Variants in KIRREL3 observed in about 807,000 individuals in gnomAD.
KIRREL3 encodes the protein kin of IRRE-like protein 3.
In KIRREL3, 36 loss-of-function variants were observed where a neutral mutation model predicts 89.7. The observed-to-expected ratio is 0.40, with a 90% CI of 0.31 to 0.53. KIRREL3 has a LOEUF of 0.53. Ranked by LOEUF, KIRREL3 falls within the 20% of genes least tolerant of loss-of-function variation. KIRREL3 has a pLI of 0.49. For missense variants in KIRREL3, 864 were observed against 1,056.6 expected, an observed-to-expected ratio of 0.82 and a Z score of 2.53; for synonymous variants, 445 against 441.4, an observed-to-expected ratio of 1.01 and a Z score of -0.10.
chr11:126,984,137 C>T (rs1258928897), intron 1 of KIRREL3, among the ~76,000 whole-genome samples: 1 of 152,130 alleles, frequency 6.6e-6, no homozygotes, highest in Non-Finnish European at 1.5e-5. Flanking sequence ...GGCAGCAGCT[C>T]AGCACATCTG....
intron 1 of KIRREL3, among the ~76,000 whole-genome samples, chr11:126,887,270 C>T (rs113564094): frequency 2.4e-4 from 36 of 152,212 alleles, no homozygotes; most frequent in African/African-American, 7.9e-4. Flanking sequence ...GAATGCAGCC[C>T]GTGAGTATTA....
chr11:126,576,063 A>G lies in KIRREL3; in HGVS notation c.56-13151T>C, dbSNP rs542557124. Among the ~76,000 whole-genome samples, 1 of 152,332 alleles carries G rather than the reference A, an allele frequency of 6.6e-6. No homozygotes were observed. Among genetic ancestry groups the G allele is most frequent in the South Asian group, 2.1e-4 (1 of 4,822 alleles). ...CCTGGCTCAGAGCCAGGCACATAGT[A>G]GGCACTCAGTGCACATGTGTATGTG... On this transcript the variant is annotated intron_variant, in intron 1 of 16. Coordinates refer to ENST00000525144, the MANE Select transcript of KIRREL3 (RefSeq NM_032531.4). This position sits in a 1 kb window ranked among gnomAD's most constrained non-coding sequence, Gnocchi z 5.4.
intron 1 of KIRREL3, among the ~76,000 whole-genome samples, chr11:126,786,891 C>G (rs1456509478): frequency 6.6e-6 from 1 of 152,178 alleles, no homozygotes; most frequent in African/African-American, 2.4e-5. Context: ...GATGGAGAGT[C>G]TGCAGGAAGG....
chr11:126,831,601 A>T (rs1943610842), intron 1 of KIRREL3, among the ~76,000 whole-genome samples: 4 of 152,134 alleles, frequency 2.6e-5, no homozygotes, highest in Admixed American at 2.6e-4. Flanking sequence ...ATACATGGAA[A>T]CCTCCTTAAT....
intron 1 of KIRREL3, among the ~76,000 whole-genome samples, chr11:126,618,335 T>A (rs1014164960): frequency 6.6e-6 from 1 of 152,198 alleles, no homozygotes; most frequent in Non-Finnish European, 1.5e-5. Context: ...CTGAGATTCA[T>A]GTGCGCAGAA....
rs983843617 is a variant in KIRREL3 at position 126,476,096 on chromosome 11, G to A, written c.434-2630C>T. Among the ~76,000 whole-genome samples the A allele has an allele frequency of 2.0e-5, 3 of 152,218 alleles. No individual in the cohort carries two copies. The highest frequency in any genetic ancestry group is 2.9e-5 in the Non-Finnish European group (2 of 68,040). ...TCAGGGTGGCTTCAGGTGCAAACGT[G>A]AGAGCTCGGAGGATCTGGGAACTGA... On this transcript the variant is annotated intron_variant, in intron 4 of 16. Coordinates refer to ENST00000525144, the MANE Select transcript of KIRREL3 (RefSeq NM_032531.4). This position sits in a 1 kb window ranked among gnomAD's most constrained non-coding sequence, Gnocchi z 6.4.
intron 1 of KIRREL3, among the ~76,000 whole-genome samples, chr11:126,862,625 C>T (rs1002661560): frequency 1.2e-4 from 19 of 152,222 alleles, no homozygotes; most frequent in Non-Finnish European, 2.8e-4. Flanking sequence ...CTCCACGCTG[C>T]GTCAACAGAG....
At position 126,892,160 on chromosome 11, in the gene KIRREL3, A is replaced by G. The variant is rs1367246237; in HGVS notation, c.55+108295T>C. ...ATCTTCCAATAATTTTTAGCAGTAG[A>G]AGCTTTCCTTTCCTAATTGAAATTT... On this transcript the variant is annotated intron_variant, in intron 1 of 16. Coordinates refer to ENST00000525144, the MANE Select transcript of KIRREL3 (RefSeq NM_032531.4). The surrounding 1 kb of genome is among the most constrained non-coding windows in gnomAD (Gnocchi z 5.4). Among the ~76,000 whole-genome samples the G allele has an allele frequency of 6.6e-6, 1 of 152,156 alleles. No homozygotes were observed. The highest frequency in any genetic ancestry group is 2.4e-5 in the African/African-American group (1 of 41,434).
In KIRREL3 at chr11:126,491,779, G is replaced by A. The variant is rs1957522972; in HGVS notation, c.434-18313C>T. On this transcript the variant is annotated intron_variant, in intron 4 of 16. Coordinates refer to ENST00000525144, the MANE Select transcript of KIRREL3 (RefSeq NM_032531.4). The surrounding 1 kb of genome is among the most constrained non-coding windows in gnomAD (Gnocchi z 5.5). ...TTCAGTGGCATGATCTCGGCTCACT[G>A]CAACCTCCACCTCCCAGGTTCAAGC... Among the ~76,000 whole-genome samples, 2 of 151,916 alleles carry A rather than the reference G, an allele frequency of 1.3e-5. No individual in the cohort carries two copies. Among genetic ancestry groups the A allele is most frequent in the Admixed American group, 1.3e-4 (2 of 15,254 alleles).
In KIRREL3 at chr11:126,923,129, CTCTTCTTCT is replaced by C. The variant is rs1187627189; in HGVS notation, c.55+77317_55+77325del. Among the ~76,000 whole-genome samples, 8 of 25,738 alleles carry C rather than the reference CTCTTCTTCT, an allele frequency of 3.1e-4. 1 individual carries two copies. The highest frequency in any genetic ancestry group is 1.6e-3 in the South Asian group (1 of 642). 16.9% of individuals were successfully genotyped at this position (25,738 alleles called of 152,430 possible). A position where few individuals can be genotyped will look rare whatever the true frequency, so the allele number is the denominator to read the frequency against. ...CCTTCTCCTTCTCCTTCTCCTTCTT[CTCTTCTTCT>C]TCTTCTTCTTCTTCTTCTTCTTCTT... On this transcript the variant is annotated intron_variant, in intron 1 of 16. Transcript: ENST00000525144.
rs1207929688 is a variant in KIRREL3 at position 126,771,869 on chromosome 11, T to A, written c.56-208957A>T. 6.6e-6 allele frequency among the ~76,000 whole-genome samples: 1 copy of A among 152,240 alleles called. No individual in the cohort carries two copies. The highest frequency in any genetic ancestry group is 2.4e-5 in the African/African-American group (1 of 41,456). On this transcript the variant is annotated intron_variant, in intron 1 of 16. Coordinates refer to ENST00000525144, the MANE Select transcript of KIRREL3 (RefSeq NM_032531.4). The surrounding 1 kb of genome is among the most constrained non-coding windows in gnomAD (Gnocchi z 4.4). The stretch of plus-strand genomic sequence containing the variant: ...CCCTGAAATAGAGACCTGAAGTTCA[T>A]CTCTGCAATTCCTTTGTTGACAGGC...
chr11:126,934,217 A>G (rs1385795664), intron 1 of KIRREL3, among the ~76,000 whole-genome samples: 1 of 152,198 alleles, frequency 6.6e-6, no homozygotes, highest in African/African-American at 2.4e-5. Flanking sequence ...CAATGGAAGA[A>G]TAGTCTTTTC....
chr11:126,466,535 C>A (rs542405988), intron 5 of KIRREL3, among the ~76,000 whole-genome samples: 5 of 152,322 alleles, frequency 3.3e-5, no homozygotes, highest in South Asian at 4.1e-4. Context: ...TGTGGAGGGG[C>A]ACGGGGGATC....
chr11:126,486,368 G>A lies in KIRREL3; in HGVS notation c.434-12902C>T, dbSNP rs1276259468. Among the ~76,000 whole-genome samples, 2 of 152,160 alleles carry A rather than the reference G, an allele frequency of 1.3e-5. No individual in the cohort carries two copies. The highest frequency in any genetic ancestry group is 4.8e-5 in the African/African-American group (2 of 41,432). On this transcript the variant is annotated intron_variant, in intron 4 of 16. Transcript: ENST00000525144. This position sits in a 1 kb window ranked among gnomAD's most constrained non-coding sequence, Gnocchi z 6.2. Reference sequence around the variant, plus strand: ...GGAAGGCCAGTGTGTGGTGCTGGGTGGCTTACACTCACCCTCCCAGTCCTG... The same window carrying A: ...GGAAGGCCAGTGTGTGGTGCTGGGTAGCTTACACTCACCCTCCCAGTCCTG...
At chr11:126,787,428 A>G (rs968829865) in intron 1 of KIRREL3, among the ~76,000 whole-genome samples, 3 of 152,230 alleles carry the variant, frequency 2.0e-5, no homozygotes, top group Non-Finnish European at 4.4e-5. Flanking sequence ...CCAAATCAAT[A>G]TAAACATATC....
intron 1 of KIRREL3, among the ~76,000 whole-genome samples, chr11:126,792,479 C>T (rs924418683): frequency 2.0e-5 from 3 of 152,156 alleles, no homozygotes; most frequent in South Asian, 2.1e-4. Context: ...AACTCGTGTA[C>T]GTAACCACTG....
rs1950346220 is a variant in KIRREL3 at position 126,782,196 on chromosome 11, C to T, written c.55+218259G>A. On this transcript the variant is annotated intron_variant, in intron 1 of 16. Transcript: ENST00000525144. The surrounding 1 kb of genome is among the most constrained non-coding windows in gnomAD (Gnocchi z 4.1). ...GTGATCTTTCAGCCCCTCTTCCCTC[C>T]CGTCCCTACTCTAGAGGCCACGAGT... Among the ~76,000 whole-genome samples, 1 of 152,174 alleles carries T rather than the reference C, an allele frequency of 6.6e-6. No homozygotes were observed. Among genetic ancestry groups the T allele is most frequent in the South Asian group, 2.1e-4 (1 of 4,824 alleles).
Position 126,987,603 on chromosome 11 carries a change from A to C in KIRREL3, c.55+12852T>G, listed in dbSNP as rs1292872140. Among the ~76,000 whole-genome samples, 3 of 152,232 alleles carry C rather than the reference A, an allele frequency of 2.0e-5. No individual in the cohort carries two copies. Among genetic ancestry groups the C allele is most frequent in the Non-Finnish European group, 4.4e-5 (3 of 68,042 alleles). On this transcript the variant is annotated intron_variant, in intron 1 of 16. Transcript: ENST00000525144. This position sits in a 1 kb window ranked among gnomAD's most constrained non-coding sequence, Gnocchi z 4.6. ...AACACCCAAAACAAAGCTCATGCCC[A>C]GAGAAAGGAGCATTGATATGGATTT... is the stretch of plus-strand genomic sequence containing the variant.
chr11:126,588,848 G>T (rs569406364), intron 1 of KIRREL3, among the ~76,000 whole-genome samples: 1 of 152,254 alleles, frequency 6.6e-6, no homozygotes, highest in Admixed American at 6.5e-5. Context: ...CTGGAATTCT[G>T]TCTCCTGAGA....
Sources: gnomAD v4.1 joint callset for allele counts (sites outside exome capture counted in the v4.1 genomes callset) on GRCh38, gnomAD v4.1.1 for gene constraint, Gnocchi (gnomAD v3.1) non-coding constraint, MANE v1.5 for transcripts, NCBI Gene and HGNC (gene_info 2026-07-23, HGNC 2026-07-21) for gene names.